PRKAR1A: variants seen among roughly 807,000 people sequenced by gnomAD.
The protein encoded by PRKAR1A is cAMP-dependent protein kinase type I-alpha regulatory subunit.
In PRKAR1A, 3 loss-of-function variants were observed where a neutral mutation model predicts 52.0. That is an observed-to-expected ratio of 0.06 (90% CI 0.03 to 0.15). The LOEUF is 0.15. PRKAR1A is among the 10% of genes least tolerant of loss of function. PRKAR1A has a pLI of 1.00. For synonymous variants in PRKAR1A, 188 were observed against 168.4 expected, an observed-to-expected ratio of 1.12 and a Z score of -0.90; for missense variants, 240 against 477.4, an observed-to-expected ratio of 0.50 and a Z score of 4.63.
chr17:68,495,853 T>C, the PRKAR1A span, among the ~76,000 whole-genome samples: 1 of 150,428 alleles, frequency 6.6e-6, no homozygotes, highest in African/African-American at 2.5e-5. Context: ...CTGAAGGCTC[T>C]GGGGGAGAAT....
downstream of PRKAR1A, chr17:68,535,010 T>TG: frequency 3.1e-6 from 1 of 318,796 alleles, no homozygotes; most frequent in Non-Finnish European, 6.1e-6. Context: ...CATATTGTCT[T>TG]CCTGGCTTTT....
chr17:68,487,036 G>A, the PRKAR1A span, among the ~76,000 whole-genome samples: 6 of 152,016 alleles, frequency 3.9e-5, no homozygotes, highest in Non-Finnish European at 7.4e-5. Context: ...ACCGCACCCG[G>A]CTAATTTTTG....
At chr17:68,534,471 AAC>A (rs758397211), downstream of PRKAR1A, among the ~76,000 whole-genome samples, 2 of 152,154 alleles carry the variant, frequency 1.3e-5, no homozygotes, top group East Asian at 3.9e-4. Context: ...TGAGCCTCCC[AAC>A]ACACATGTTC....
chr17:68,540,791 G>A, intron 11 of PRKAR1A: 1 of 1,552,290 alleles, frequency 6.4e-7, no homozygotes, highest in East Asian at 2.4e-5. Context: ...AGGTCACGGG[G>A]AACCCTAGCC....
At chr17:68,535,831 T>G (rs1217153610), downstream of PRKAR1A, 2 of 453,858 alleles carry the variant, frequency 4.4e-6, no homozygotes, top group East Asian at 6.9e-5. Context: ...GCAAACAAAT[T>G]TGACTTCATA....
At chr17:68,480,750 A>G in the PRKAR1A span, among the ~76,000 whole-genome samples, 1 of 152,092 alleles carries the variant, frequency 6.6e-6, no homozygotes, top group Non-Finnish European at 1.5e-5. Flanking sequence ...GGGATTCATT[A>G]TGTTCCCCAG....
chr17:68,446,443 A>G, the PRKAR1A span, among the ~76,000 whole-genome samples: 1 of 151,980 alleles, frequency 6.6e-6, no homozygotes, highest in Non-Finnish European at 1.5e-5. Context: ...CGGCCTCCCA[A>G]AGTGCTGGGA....
At chr17:68,500,806 G>T in the PRKAR1A span, among the ~76,000 whole-genome samples, 111,202 of 152,052 alleles carry the variant, frequency 0.73, 40,971 homozygotes, top group East Asian at 0.93. Context: ...CATGAGCCAC[G>T]GCGCCCGGCC....
intron 11 of PRKAR1A, chr17:68,539,378 A>T: frequency 6.2e-7 from 1 of 1,614,214 alleles, no homozygotes; most frequent in Non-Finnish European, 8.5e-7. Flanking sequence ...AGATTTCATC[A>T]TGGGAGTGTC....
chr17:68,439,101 T>G, the PRKAR1A span, among the ~76,000 whole-genome samples: 1 of 152,156 alleles, frequency 6.6e-6, no homozygotes, highest in African/African-American at 2.4e-5. Flanking sequence ...AAACATAAAG[T>G]TCTCATATGA....
chr17:68,465,649 T>TG, the PRKAR1A span, among the ~76,000 whole-genome samples: 1 of 128,238 alleles, frequency 7.8e-6, no homozygotes, highest in South Asian at 2.6e-4. Flanking sequence ...TTTTTTTTTT[T>TG]GTAGAGACGG....
At position 68,533,248 on chromosome 17, in the gene PRKAR1A, A is replaced by G; in HGVS notation, c.*2799A>G. On this transcript the variant is annotated 3_prime_UTR_variant, in exon 11 of 11. Coordinates refer to ENST00000589228, the MANE Select transcript of PRKAR1A (RefSeq NM_002734.5). ...CTGAGGAGTGAGATGATTAAGTTGT[A>G]TTCATTAGTGTATTGGTATTTCTTC... 1 of 1,062,150 alleles carries G rather than the reference A, an allele frequency of 9.4e-7. No individual in the cohort carries two copies. The highest frequency in any genetic ancestry group is 1.1e-6 in the Non-Finnish European group (1 of 876,654). 65.8% of individuals were successfully genotyped at this position (1,062,150 alleles called of 1,614,324 possible).
chr17:68,464,983 T>C, the PRKAR1A span, among the ~76,000 whole-genome samples: 9 of 150,544 alleles, frequency 6.0e-5, no homozygotes, highest in Non-Finnish European at 1.2e-4. Context: ...TGGAGTGCAG[T>C]GGCGTGATCT....
chr17:68,528,385 G>A (rs897190636), intron 8 of PRKAR1A, among the ~76,000 whole-genome samples: 2 of 152,102 alleles, frequency 1.3e-5, no homozygotes, highest in Admixed American at 6.6e-5. Flanking sequence ...CTTTGAATTG[G>A]TTACATATGC....
chr17:68,415,778 T>C, the PRKAR1A span, among the ~76,000 whole-genome samples: 5 of 152,230 alleles, frequency 3.3e-5, no homozygotes, highest in Non-Finnish European at 7.4e-5. Context: ...ATAATGTCTC[T>C]GTCTTTTTTA....
intron 11 of PRKAR1A, among the ~76,000 whole-genome samples, chr17:68,549,510 G>A (rs7208742): frequency 0.16 from 24,746 of 150,116 alleles, 2,060 homozygotes; most frequent in South Asian, 0.18. Context: ...AAAAAAAAAA[G>A]TTAGAGACAT....
chr17:68,449,134 C>T, the PRKAR1A span, among the ~76,000 whole-genome samples: 1 of 152,158 alleles, frequency 6.6e-6, no homozygotes, highest in South Asian at 2.1e-4. Flanking sequence ...CAGAAGAAAA[C>T]ATTGTCCTCA....
the PRKAR1A span, among the ~76,000 whole-genome samples, chr17:68,489,210 A>AAAG: frequency 4.9e-3 from 230 of 47,130 alleles, 30 homozygotes; most frequent in South Asian, 7.2e-3. Flanking sequence ...ATATATATAT[A>AAAG]TATATATATA....
Position 68,550,955 on chromosome 17 carries a change from G to A in PRKAR1A, c.974-129G>A, listed in dbSNP as rs1476015378. ...AACCATCTACTGGGGCTCTCAATGG[G>A]CCTCCCCTTGAATGGCTGAAGGTTT... On this transcript the variant is annotated intron_variant, in intron 11 of 11. Coordinates refer to the PRKAR1A transcript ENST00000585981. 1.1e-5 allele frequency: 8 copies of A among 747,504 alleles called. 1 individual carries two copies. The highest frequency in any genetic ancestry group is 3.1e-4 in the Middle Eastern group (1 of 3,196). 46.3% of individuals were successfully genotyped at this position (747,504 alleles called of 1,614,324 possible). A position where few individuals can be genotyped will look rare whatever the true frequency, so the allele number is the denominator to read the frequency against.
Sources: allele counts gnomAD v4.1 joint callset (sites outside exome capture counted in the v4.1 genomes callset), GRCh38; gene constraint gnomAD v4.1.1; transcripts MANE v1.5; gene names NCBI Gene and HGNC (gene_info 2026-07-23, HGNC 2026-07-21).